Variants in STX5 observed in about 807,000 individuals in gnomAD.
The protein encoded by STX5 is syntaxin-5.
A neutral mutation model predicts 42.9 loss-of-function variants in STX5; 15 were observed. The observed-to-expected ratio is 0.35, with a 90% CI of 0.23 to 0.54. STX5 has a LOEUF of 0.54. Among genes scored for constraint, STX5 ranks in the 20% least tolerant of loss-of-function variants. The pLI is 0.91. For missense variants in STX5, 430 were observed against 455.0 expected, an observed-to-expected ratio of 0.95 and a Z score of 0.50; for synonymous variants, 184 against 173.2, an observed-to-expected ratio of 1.06 and a Z score of -0.49.
At position 62,813,811 on chromosome 11, in the gene STX5, C is replaced by G. The variant is rs1414507585; in HGVS notation, c.909-6183G>C. Among the ~76,000 whole-genome samples the G allele has an allele frequency of 3.3e-5, 5 of 152,266 alleles. No homozygotes were observed. The East Asian group carries it at 9.6e-4, about 29-fold the overall frequency. ...GTCTGAAGATAAATGCCGCTCCACC[C>G]CGAGCATTGCTACAATAGCCTCTGT... On this transcript the variant is annotated intron_variant, in intron 10 of 10. Transcript: ENST00000294179.
Position 62,807,640 on chromosome 11 carries a change from G to A in STX5, c.909-12C>T, listed in dbSNP as rs760535754. On this transcript the variant is annotated splice_polypyrimidine_tract_variant and intron_variant, in intron 10 of 10. Transcript: ENST00000294179. Reference sequence around the variant, plus strand: ...CGTTCTCGTCGATCCTGGGGACAAGGCCGGGAGAAGAGGAAACAAAAGGAC... The same window carrying A: ...CGTTCTCGTCGATCCTGGGGACAAGACCGGGAGAAGAGGAAACAAAAGGAC... 2 of 1,613,850 alleles carry A rather than the reference G, an allele frequency of 1.2e-6. No individual in the cohort carries two copies. The highest frequency in any genetic ancestry group is 2.2e-5 in the South Asian group (2 of 91,042).
chr11:62,824,568 G>C lies in STX5; in HGVS notation c.680-3C>G, dbSNP rs775930298. The C allele has an allele frequency of 1.2e-6, 2 of 1,613,950 alleles. No homozygotes were observed. The highest frequency in any genetic ancestry group is 2.2e-5 in the South Asian group (2 of 91,078). On this transcript the variant is annotated splice_polypyrimidine_tract_variant and splice_region_variant and intron_variant, in intron 8 of 10. Coordinates refer to ENST00000294179, the MANE Select transcript of STX5 (RefSeq NM_003164.5). ...CCCCAGAACCACAGCACCACCGCCT[G>C]GGGGAGAAAACAGGATGTGGCACAC...
At chr11:62,814,619 G>A (rs1467100265) in intron 10 of STX5, among the ~76,000 whole-genome samples, 2 of 150,158 alleles carry the variant, frequency 1.3e-5, no homozygotes, top group South Asian at 2.1e-4. Flanking sequence ...GTGCCACCAC[G>A]CTCAGCTAAT....
intron 2 of STX5, chr11:62,830,558 C>G: frequency 2.2e-6 from 1 of 457,844 alleles, no homozygotes; most frequent in Non-Finnish European, 4.4e-6. Flanking sequence ...CAAAACAAAA[C>G]AAAAACAACA....
chr11:62,807,795 G>T, intron 10 of STX5, 167 bp from the exon 11 acceptor site: 1 of 1,321,178 alleles, frequency 7.6e-7, no homozygotes, highest in Non-Finnish European at 1.0e-6. Context: ...AGTTATTTCT[G>T]GTTTGAAAAC....
chr11:62,813,056 T>C (rs1178425304), intron 10 of STX5, among the ~76,000 whole-genome samples: 3 of 142,256 alleles, frequency 2.1e-5, no homozygotes, highest in Non-Finnish European at 4.5e-5. Context: ...AGGTTGCCAC[T>C]GCACTCCAGC....
intron 10 of STX5, among the ~76,000 whole-genome samples, chr11:62,808,820 T>G (rs966304857): frequency 1.3e-5 from 2 of 152,204 alleles, no homozygotes; most frequent in African/African-American, 4.8e-5. Flanking sequence ...TGCCTACTAA[T>G]GTAATCATCG....
intron 10 of STX5, among the ~76,000 whole-genome samples, chr11:62,808,726 G>T (rs577431514): frequency 6.6e-6 from 1 of 152,200 alleles, no homozygotes; most frequent in East Asian, 1.9e-4. Flanking sequence ...CAATACCAAG[G>T]GATGAGTGTG....
At chr11:62,818,991 A>G (rs1461581490) in intron 10 of STX5, among the ~76,000 whole-genome samples, 6 of 152,026 alleles carry the variant, frequency 3.9e-5, no homozygotes, top group South Asian at 2.1e-4. Context: ...AGGCCGAGGC[A>G]GGTGGATCAC....
At chr11:62,818,942 G>A (rs973906997) in intron 10 of STX5, among the ~76,000 whole-genome samples, 18 of 152,030 alleles carry the variant, frequency 1.2e-4, no homozygotes, top group African/African-American at 3.1e-4. Flanking sequence ...AGGTGAGGCC[G>A]GGTGCGGTGG....
Position 62,831,164 on chromosome 11 carries a change from GA to G in STX5, c.79del (p.Ser27ProfsTer19), listed in dbSNP as rs1565217809. 6.4e-7 allele frequency: 1 copy of G among 1,563,030 alleles called. No individual in the cohort carries two copies. Among genetic ancestry groups the G allele is most frequent in the Admixed American group, 1.9e-5 (1 of 52,154 alleles). On this transcript the variant is annotated frameshift_variant, in exon 2 of 11. Coordinates refer to ENST00000294179, the MANE Select transcript of STX5 (RefSeq NM_003164.5). LOFTEE classifies it high-confidence loss of function. ...YLGLSKTQVL[S>X]PATAGSSSSD... The stretch of plus-strand genomic sequence containing the variant: ...GCTGCTACTGCCAGCAGTTGCAGGG[GA>G]CAGGACCTGTGTCTTTGAGAGACCC...
chr11:62,811,315 C>A (rs866418472), intron 10 of STX5, among the ~76,000 whole-genome samples: 2 of 152,168 alleles, frequency 1.3e-5, no homozygotes, highest in Non-Finnish European at 2.9e-5. Context: ...CCCATGAAGT[C>A]TGAGGCACTC....
intron 10 of STX5, among the ~76,000 whole-genome samples, chr11:62,813,714 G>A (rs2134816101): frequency 6.6e-6 from 1 of 152,266 alleles, no homozygotes; most frequent in East Asian, 1.9e-4. Context: ...GGCAGGAGTG[G>A]ATTCCTAAAA....
chr11:62,815,253 G>A (rs926650899), intron 10 of STX5, among the ~76,000 whole-genome samples: 7 of 152,214 alleles, frequency 4.6e-5, no homozygotes, highest in Middle Eastern at 3.4e-3. Flanking sequence ...TGATCCGCCC[G>A]CCTTGGCCTC....
At chr11:62,817,444 G>C (rs1223412454) in intron 10 of STX5, among the ~76,000 whole-genome samples, 1 of 152,068 alleles carries the variant, frequency 6.6e-6, no homozygotes, top group African/African-American at 2.4e-5. Context: ...AATGATCTTA[G>C]TTCAGCCAAG....
At chr11:62,827,442 C>CT in intron 3 of STX5, 44 bp from the exon 4 acceptor site, 2 of 1,613,778 alleles carry the variant, frequency 1.2e-6, no homozygotes, top group Non-Finnish European at 1.7e-6. Context: ...GGCAGGACGC[C>CT]TTTTCCCACA....
intron 10 of STX5, among the ~76,000 whole-genome samples, chr11:62,823,699 C>T (rs976386646): frequency 1.5e-4 from 23 of 152,212 alleles, no homozygotes; most frequent in Non-Finnish European, 2.9e-5. Context: ...GCCCATGCCA[C>T]CATGCCCAGC....
chr11:62,823,300 G>A (rs966745756), intron 10 of STX5, among the ~76,000 whole-genome samples: 22 of 151,554 alleles, frequency 1.5e-4, no homozygotes, highest in Non-Finnish European at 2.9e-4. Flanking sequence ...TCAGCCTCCC[G>A]AGTAGCTGGA....
chr11:62,807,977 C>T, intron 10 of STX5: 1 of 240,712 alleles, frequency 4.2e-6, no homozygotes, highest in South Asian at 7.6e-5. Flanking sequence ...ATGTTAGTTA[C>T]AATTTTTCCT....
Sources: allele counts gnomAD v4.1 joint callset (sites outside exome capture counted in the v4.1 genomes callset), GRCh38; gene constraint gnomAD v4.1.1; transcripts MANE v1.5; gene names NCBI Gene and HGNC (gene_info 2026-07-23, HGNC 2026-07-21).